GRXCR2: variants seen among roughly 807,000 people sequenced by gnomAD.
The protein encoded by GRXCR2 is glutaredoxin and cysteine rich domain containing 2, also known as glutaredoxin domain-containing cysteine-rich protein 2.
A neutral mutation model predicts 24.8 loss-of-function variants in GRXCR2; 23 were observed. That is an observed-to-expected ratio of 0.93 (90% CI 0.67 to 1.32). The LOEUF is 1.32. Among genes scored for constraint, GRXCR2 ranks in the 40% most tolerant of loss-of-function variants. GRXCR2 has a pLI of 0.00. For missense variants in GRXCR2, 315 were observed against 303.4 expected (o/e 1.04, Z -0.28); for synonymous variants, 130 against 116.1 (o/e 1.12, Z -0.77).
chr5:145,904,063 G>C (rs1757059901), intron 2 of GRXCR2, among the ~76,000 whole-genome samples: 1 of 152,134 alleles, frequency 6.6e-6, no homozygotes, highest in Non-Finnish European at 1.5e-5. Context: ...GGCTGAGGAG[G>C]ACTCCTAACT....
chr5:145,865,042 T>A (rs1756404232), intron 2 of GRXCR2, among the ~76,000 whole-genome samples: 1 of 152,046 alleles, frequency 6.6e-6, no homozygotes. Context: ...ATGGGAGAAA[T>A]GAGATAAGAA....
intron 2 of GRXCR2, among the ~76,000 whole-genome samples, chr5:145,882,615 G>A (rs1404374651): frequency 6.6e-6 from 1 of 152,156 alleles, no homozygotes; most frequent in African/African-American, 2.4e-5. Context: ...ACAGTGTGGC[G>A]ATTCCTCAAG....
At chr5:145,864,238 A>G (rs369943346) in intron 2 of GRXCR2, among the ~76,000 whole-genome samples, 1 of 152,050 alleles carries the variant, frequency 6.6e-6, no homozygotes, top group African/African-American at 2.4e-5. Context: ...GGCCTCTGGT[A>G]GGAAAGAGAA....
chr5:145,860,728 C>T (rs1756322652), intron 2 of GRXCR2, among the ~76,000 whole-genome samples: 1 of 149,072 alleles, frequency 6.7e-6, no homozygotes, highest in Admixed American at 6.6e-5. Context: ...CTATTGTCTG[C>T]CATCAGCTGT....
At chr5:145,902,684 C>G (rs1581348758) in intron 2 of GRXCR2, among the ~76,000 whole-genome samples, 1 of 152,146 alleles carries the variant, frequency 6.6e-6, no homozygotes, top group African/African-American at 2.4e-5. Flanking sequence ...TTACATTTTC[C>G]CTTCCTGATT....
At chr5:145,885,099 G>GTGTC (rs756220829) in intron 2 of GRXCR2, among the ~76,000 whole-genome samples, 1 of 147,434 alleles carries the variant, frequency 6.8e-6, no homozygotes, top group African/African-American at 2.5e-5. Flanking sequence ...GTGTGTGTCT[G>GTGTC]TGTGTGTGTG....
chr5:145,866,352 A>G, intron 2 of GRXCR2, 149 bp downstream of exon 2: 2 of 605,266 alleles, frequency 3.3e-6, no homozygotes, highest in East Asian at 5.5e-5. Flanking sequence ...AAAATATAAC[A>G]AATGTTAAAA....
intron 2 of GRXCR2, among the ~76,000 whole-genome samples, chr5:145,905,353 T>C (rs1757076753): frequency 6.6e-6 from 1 of 152,210 alleles, no homozygotes; most frequent in Admixed American, 6.5e-5. Flanking sequence ...CTGAAAACAC[T>C]TTATAAATCC....
intron 2 of GRXCR2, among the ~76,000 whole-genome samples, chr5:145,910,293 C>A (rs189360699): frequency 1.3e-5 from 2 of 152,124 alleles, no homozygotes; most frequent in Non-Finnish European, 2.9e-5. Flanking sequence ...ACACATGCCA[C>A]CTCTCATTGG....
chr5:145,872,855 A>G lies in GRXCR2; in HGVS notation c.114T>C (p.Asp38=), dbSNP rs769869655. The change falls in exon 1 of 3, where the codon GAT becomes GAC. Residue 38 remains aspartate, a synonymous_variant. Coordinates refer to ENST00000377976, the MANE Select transcript of GRXCR2 (RefSeq NM_001080516.2). ...SGRVLKQVFE[D]GQELESPKEE... ...CCTTTGGTGACTCTAATTCCTGCCC[A>G]TCCTCAAAGACCTGCTTCAATACTC... The G allele has an allele frequency of 9.3e-6, 15 of 1,614,008 alleles. No individual in the cohort carries two copies. The highest frequency in any genetic ancestry group is 1.3e-5 in the Non-Finnish European group (15 of 1,180,030).
Position 145,865,367 on chromosome 5 carries a change from C to A in GRXCR2, c.564+1134G>T, listed in dbSNP as rs1756411947. ...TGAATGAACGAATATCAGCCCTCCT[C>A]CCCCTGGTCTGAGCATGTCTGAGCT... On this transcript the variant is annotated intron_variant, in intron 2 of 2. Transcript: ENST00000377976. Among the ~76,000 whole-genome samples the A allele has an allele frequency of 2.0e-5, 3 of 152,192 alleles. No individual in the cohort carries two copies. The South Asian group carries it at 6.2e-4, about 31-fold the overall frequency.
chr5:145,898,910 G>A (rs1303903246), intron 2 of GRXCR2, among the ~76,000 whole-genome samples: 1 of 152,086 alleles, frequency 6.6e-6, no homozygotes, highest in Non-Finnish European at 1.5e-5. Flanking sequence ...GTCCTAGCCA[G>A]AGAAATCAGA....
chr5:145,907,895 T>C (rs1422796801), intron 2 of GRXCR2, among the ~76,000 whole-genome samples: 1 of 152,160 alleles, frequency 6.6e-6, no homozygotes, highest in East Asian at 1.9e-4. Flanking sequence ...GTTCCGGTGT[T>C]TGTTTCTATC....
At chr5:145,899,601 G>A (rs972141767) in intron 2 of GRXCR2, among the ~76,000 whole-genome samples, 1 of 151,970 alleles carries the variant, frequency 6.6e-6, no homozygotes, top group African/African-American at 2.4e-5. Flanking sequence ...CAGAAATAAA[G>A]CAGCACGTCT....
upstream of GRXCR2, among the ~76,000 whole-genome samples, chr5:145,875,735 C>T (rs1314165158): frequency 6.6e-6 from 1 of 152,132 alleles, no homozygotes; most frequent in African/African-American, 2.4e-5. Flanking sequence ...AACATTGTAA[C>T]TCCCCCAGGA....
At chr5:145,909,573 T>G (rs961003383) in intron 2 of GRXCR2, among the ~76,000 whole-genome samples, 2 of 152,204 alleles carry the variant, frequency 1.3e-5, no homozygotes, top group Non-Finnish European at 2.9e-5. Context: ...TTTATATTCT[T>G]TACAGAAGGT....
At chr5:145,895,209 C>T (rs1756931178) in intron 2 of GRXCR2, among the ~76,000 whole-genome samples, 1 of 152,018 alleles carries the variant, frequency 6.6e-6, no homozygotes, top group Non-Finnish European at 1.5e-5. Flanking sequence ...GAAGCATTCC[C>T]TTTGAAAAGT....
intron 2 of GRXCR2, among the ~76,000 whole-genome samples, chr5:145,927,018 A>G (rs769543475): frequency 1.9e-3 from 283 of 152,130 alleles, no homozygotes; most frequent in Middle Eastern, 3.4e-3. Flanking sequence ...CTCATGATTT[A>G]GCTCTCTGTT....
chr5:145,880,933 T>C (rs1165017697), intron 2 of GRXCR2, among the ~76,000 whole-genome samples: 2 of 152,170 alleles, frequency 1.3e-5, no homozygotes, highest in Non-Finnish European at 2.9e-5. Flanking sequence ...AAAAGATACA[T>C]GATTATCTCA....
Sources: gnomAD v4.1 joint callset for allele counts (sites outside exome capture counted in the v4.1 genomes callset) on GRCh38, gnomAD v4.1.1 for gene constraint, MANE v1.5 for transcripts, NCBI Gene and HGNC (gene_info 2026-07-23, HGNC 2026-07-21) for gene names.